ITSN2: variants seen among roughly 807,000 people sequenced by gnomAD.
ITSN2 encodes intersectin-2.
ITSN2 carries 156 observed loss-of-function variants against 243.7 expected under a neutral mutation model. The observed-to-expected ratio is 0.64, with a 90% CI of 0.56 to 0.73. The LOEUF (loss-of-function observed/expected upper bound fraction) is 0.73, where lower values mean the gene tolerates loss of function less well. Among genes scored for constraint, ITSN2 ranks in the 30% least tolerant of loss-of-function variants. ITSN2 has a pLI of 0.00. For missense variants in ITSN2, 1,801 were observed against 1,996.1 expected, an observed-to-expected ratio of 0.90 and a Z score of 1.86; for synonymous variants, 703 against 699.9, an observed-to-expected ratio of 1.00 and a Z score of -0.07.
At chr2:24,314,053 T>C (rs1200162922) in intron 3 of ITSN2, among the ~76,000 whole-genome samples, 1 of 152,196 alleles carries the variant, frequency 6.6e-6, no homozygotes, top group African/African-American at 2.4e-5. Flanking sequence ...CTTGCTTTAC[T>C]GCTTGCTACA....
intron 1 of ITSN2, among the ~76,000 whole-genome samples, chr2:24,357,202 A>G (rs961879238): frequency 6.6e-6 from 1 of 152,234 alleles, no homozygotes; most frequent in Middle Eastern, 3.2e-3. Flanking sequence ...CACTATTTAC[A>G]ATAGCAAAGA....
In ITSN2 at chr2:24,209,194, T is replaced by C. The variant is rs1313662056; in HGVS notation, c.4501A>G (p.Lys1501Glu). Reference sequence around the variant, plus strand: ...TCGCTGGAAGGGTCTGTGGGCAGTTTCACCAAGACTTCATTCAGGAAAATG... The same window carrying C: ...TCGCTGGAAGGGTCTGTGGGCAGTTCCACCAAGACTTCATTCAGGAAAATG... ...TPIFLNEVLV[K>E]LPTDPSSDEP... The change falls in exon 36 of 40, where the codon AAA (lysine) becomes GAA (glutamate). Residue 1501 changes from lysine (K) to glutamate (E), a missense_variant. Transcript: ENST00000355123. 1 of 1,613,980 alleles carries C rather than the reference T, an allele frequency of 6.2e-7. No homozygotes were observed. Among genetic ancestry groups the C allele is most frequent in the African/African-American group, 1.3e-5 (1 of 74,904 alleles).
At position 24,245,333 on chromosome 2, in the gene ITSN2, AAC is replaced by A. The variant is rs544780994; in HGVS notation, c.3577+794_3577+795del. Among the ~76,000 whole-genome samples, 45 of 152,348 alleles carry A rather than the reference AAC, an allele frequency of 3.0e-4. 1 individual carries two copies. In the South Asian group the frequency reaches 9.1e-3, roughly 31 times the overall value. ...AAGAATCACCTGACAAGAATTTTGC[AAC>A]AGTCAAATATTTAATTTTTAATTTT... On this transcript the variant is annotated intron_variant, in intron 29 of 39. Coordinates refer to ENST00000355123, the MANE Select transcript of ITSN2 (RefSeq NM_006277.3).
chr2:24,224,697 G>A (rs1326817131), intron 29 of ITSN2, among the ~76,000 whole-genome samples: 2 of 151,562 alleles, frequency 1.3e-5, no homozygotes, highest in Non-Finnish European at 2.9e-5. Context: ...GCAGCGGCGC[G>A]ATCTCGGCTC....
At chr2:24,337,859 C>A (rs770147668) in intron 1 of ITSN2, among the ~76,000 whole-genome samples, 16 of 152,092 alleles carry the variant, frequency 1.1e-4, no homozygotes, top group South Asian at 4.1e-4. Flanking sequence ...TAGGTACACA[C>A]AGCCAACTTC....
At chr2:24,347,971 GA>G (rs1306043193) in intron 1 of ITSN2, among the ~76,000 whole-genome samples, 1 of 151,954 alleles carries the variant, frequency 6.6e-6, no homozygotes, top group Non-Finnish European at 1.5e-5. Flanking sequence ...AGCTACTCAG[GA>G]AACTGAGGTG....
chr2:24,226,647 A>G (rs775768933), intron 29 of ITSN2, among the ~76,000 whole-genome samples: 4 of 152,280 alleles, frequency 2.6e-5, no homozygotes, highest in Non-Finnish European at 4.4e-5. Context: ...TCTGTCATCC[A>G]TGAATTAGAT....
Position 24,302,019 on chromosome 2 carries a change from G to A in ITSN2, c.941C>T (p.Ala314Val). 1 of 1,613,278 alleles carries A rather than the reference G, an allele frequency of 6.2e-7. No homozygotes were observed. Among genetic ancestry groups the A allele is most frequent in the Non-Finnish European group, 8.5e-7 (1 of 1,179,538 alleles). ...TAAAGTCAGTGGTAATGGCTGTCCAGCTTTGGCCATGTCAGTAAGGTGCAT... is the reference window on the plus strand; with the variant it reads ...TAAAGTCAGTGGTAATGGCTGTCCAACTTTGGCCATGTCAGTAAGGTGCAT... ...LAMHLTDMAK[A>V]GQPLPLTLPP... The change falls in exon 10 of 40, where the codon GCT (alanine) becomes GTT (valine). Residue 314 changes from alanine (A) to valine (V), a missense_variant. Physicochemically the swap from Ala to Val is moderately conservative, Grantham distance 64. Coordinates refer to ENST00000355123, the MANE Select transcript of ITSN2 (RefSeq NM_006277.3).
intron 1 of ITSN2, among the ~76,000 whole-genome samples, chr2:24,356,319 C>A (rs1411740331): frequency 6.8e-6 from 1 of 148,012 alleles, no homozygotes; most frequent in African/African-American, 2.5e-5. Flanking sequence ...GCACTCCAGC[C>A]TGGGAGACAG....
chr2:24,271,580 G>A (rs1040512673), intron 19 of ITSN2, among the ~76,000 whole-genome samples, 186 bp downstream of exon 19: 3 of 152,100 alleles, frequency 2.0e-5, no homozygotes, highest in African/African-American at 7.2e-5. Context: ...GATTTCTACT[G>A]CTGTGTTAAG....
At chr2:24,345,897 C>G (rs2151922399) in intron 1 of ITSN2, among the ~76,000 whole-genome samples, 1 of 152,196 alleles carries the variant, frequency 6.6e-6, no homozygotes, top group African/African-American at 2.4e-5. Context: ...CTGTCTCATA[C>G]CAGGTCTTAT....
intron 30 of ITSN2, 40 bp from the exon 31 acceptor site, chr2:24,218,053 G>T (rs1309677832): frequency 1.5e-6 from 2 of 1,337,340 alleles, no homozygotes; most frequent in South Asian, 1.2e-5. Context: ...GCTTAAGTGT[G>T]GATACACAGC....
chr2:24,355,189 G>T (rs1245483866), intron 1 of ITSN2, among the ~76,000 whole-genome samples: 1 of 152,134 alleles, frequency 6.6e-6, no homozygotes, highest in East Asian at 1.9e-4. Context: ...GCGCTCCACA[G>T]CTGTAGGATG....
rs985858853 is a variant in ITSN2, at chr2:24,220,377, C to T, written c.3699+568G>A. On this transcript the variant is annotated intron_variant, in intron 30 of 39. Transcript: ENST00000355123. ...AAGCACAAATCATTTTAAAGTGCTA[C>T]TCGAATAAGGATAGCTGTCATCAGC... 4 of 984,914 alleles carry T rather than the reference C, an allele frequency of 4.1e-6. No homozygotes were observed. In the African/African-American group the frequency reaches 5.2e-5, roughly 13 times the overall value. The allele number at this position is 984,914 out of a possible 1,614,324, so 61.0% of individuals were successfully genotyped here. A position where few individuals can be genotyped will look rare whatever the true frequency, so the allele number is the denominator to read the frequency against.
At chr2:24,282,126 G>A (rs906908890) in intron 17 of ITSN2, among the ~76,000 whole-genome samples, 1 of 152,208 alleles carries the variant, frequency 6.6e-6, no homozygotes, top group African/African-American at 2.4e-5. Context: ...GACCACCCTG[G>A]CCTGCCACGC....
chr2:24,238,573 T>A (rs1430902788), intron 29 of ITSN2, among the ~76,000 whole-genome samples: 1 of 152,196 alleles, frequency 6.6e-6, no homozygotes, highest in South Asian at 2.1e-4. Flanking sequence ...ACATTTGCAA[T>A]GAGTATTAAT....
intron 1 of ITSN2, among the ~76,000 whole-genome samples, chr2:24,340,825 A>G (rs1266645006): frequency 6.6e-6 from 1 of 152,198 alleles, no homozygotes; most frequent in Non-Finnish European, 1.5e-5. Context: ...GAGATTGGGA[A>G]TACTTGTAAT....
In ITSN2 at chr2:24,261,725, T is replaced by C; in HGVS notation, c.2373A>G (p.Val791=). 1.7e-5 allele frequency: 28 copies of C among 1,612,216 alleles called. No homozygotes were observed. The highest frequency in any genetic ancestry group is 2.3e-5 in the Non-Finnish European group (27 of 1,179,292). ...GDIIQVDEKT[V]GEPGWLYGSF... ...TACCATAAAGCCAACCAGGTTCTCC[T>C]ACGGTTTTTTCATCAACCTACGGAA... The change falls in exon 21 of 40, where the codon GTA becomes GTG. Residue 791 remains valine (V), a synonymous_variant. Transcript: ENST00000355123.
intron 20 of ITSN2, 28 bp downstream of exon 20, chr2:24,270,643 A>C: frequency 9.1e-7 from 1 of 1,095,302 alleles, no homozygotes; most frequent in Non-Finnish European, 1.4e-6. Flanking sequence ...TAGGTTATTC[A>C]TGATTAAAAA....
Sources: allele counts gnomAD v4.1 joint callset (sites outside exome capture counted in the v4.1 genomes callset), GRCh38; gene constraint gnomAD v4.1.1; transcripts MANE v1.5; gene names NCBI Gene and HGNC (gene_info 2026-07-23, HGNC 2026-07-21).